EPM2A: variants seen among roughly 807,000 people sequenced by gnomAD.
EPM2A encodes the protein laforin.
EPM2A carries 21 observed loss-of-function variants against 26.5 expected under a neutral mutation model. The observed-to-expected ratio is 0.79, with a 90% confidence interval of 0.56 to 1.14. EPM2A has a LOEUF of 1.14. EPM2A is among the 50% of genes most tolerant of loss of function. The pLI, the probability that EPM2A is intolerant of heterozygous loss-of-function variation, is 0.00. For missense variants in EPM2A, 458 were observed against 440.8 expected (o/e 1.04, Z -0.35); for synonymous variants, 217 against 177.6 (o/e 1.22, Z -1.76).
intron 1 of EPM2A, among the ~76,000 whole-genome samples, chr6:145,707,310 T>C (rs1319164907): frequency 6.6e-6 from 1 of 151,882 alleles, no homozygotes; most frequent in Non-Finnish European, 1.5e-5. Flanking sequence ...AGTACTAAGA[T>C]AGGAAGTGGC....
chr6:145,444,797 G>A (rs749205669), intron 4 of EPM2A, among the ~76,000 whole-genome samples: 3 of 152,054 alleles, frequency 2.0e-5, no homozygotes, highest in Admixed American at 6.6e-5. Flanking sequence ...TTATAAATAC[G>A]GTAACTCTGG....
intron 2 of EPM2A, among the ~76,000 whole-genome samples, chr6:145,675,994 A>G (rs1325906514): frequency 6.6e-6 from 1 of 152,018 alleles, no homozygotes; most frequent in East Asian, 1.9e-4. Context: ...TCTCAGCACC[A>G]TATCGCACTT....
intron 2 of EPM2A, among the ~76,000 whole-genome samples, chr6:145,520,457 A>G (rs432086): frequency 0.45 from 68,440 of 151,996 alleles, 15,446 homozygotes; most frequent in South Asian, 0.58. Flanking sequence ...AAATTCCGTC[A>G]TAGTCACTGG....
chr6:145,619,823 T>TA (rs1393131011), intron 2 of EPM2A, among the ~76,000 whole-genome samples: 21 of 152,220 alleles, frequency 1.4e-4, no homozygotes, highest in Admixed American at 1.4e-3. Context: ...CCAGTGAGCA[T>TA]AAGTCAGTGT....
downstream of EPM2A, among the ~76,000 whole-genome samples, chr6:145,621,179 T>C (rs1157460571): frequency 1.3e-5 from 2 of 152,160 alleles, no homozygotes; most frequent in Admixed American, 6.5e-5. Flanking sequence ...CACATATAAA[T>C]GAGATTATGA....
At chr6:145,444,186 A>G (rs761479335) in intron 4 of EPM2A, among the ~76,000 whole-genome samples, 1 of 152,196 alleles carries the variant, frequency 6.6e-6, no homozygotes, top group Non-Finnish European at 1.5e-5. Flanking sequence ...CTGATTTTCA[A>G]GAGGAATGCT....
chr6:145,626,578 C>T lies in EPM2A; in HGVS notation c.*838G>A. On this transcript the variant is annotated 3_prime_UTR_variant, in exon 4 of 4. Transcript: ENST00000367519. ...CCTGAGAAAGACAAAACTAAATGCA[C>T]TACATGATGCTGGGAAAACAAGTTG... The T allele has an allele frequency of 3.0e-6, 3 of 985,770 alleles. No individual in the cohort carries two copies. Among genetic ancestry groups the T allele is most frequent in the Non-Finnish European group, 3.6e-6 (3 of 829,894 alleles). The allele number at this position is 985,770 out of a possible 1,614,324, so 61.1% of individuals were successfully genotyped here. A position where few individuals can be genotyped will look rare whatever the true frequency, so the allele number is the denominator to read the frequency against.
intron 4 of EPM2A, among the ~76,000 whole-genome samples, chr6:145,466,444 T>A (rs2114721264): frequency 6.6e-6 from 1 of 152,278 alleles, no homozygotes; most frequent in Non-Finnish European, 1.5e-5. Flanking sequence ...CAAAATGAGA[T>A]ACCATTTCAC....
rs781291421 is a variant in EPM2A, at chr6:145,635,468, C to T, written c.495G>A (p.Trp165Ter). The T allele has an allele frequency of 2.5e-5, 41 of 1,613,866 alleles. No individual in the cohort carries two copies. The highest frequency in any genetic ancestry group is 3.4e-5 in the Non-Finnish European group (40 of 1,179,864). ...MHYSRILPNIWLGSCPRQVEH... is the reference protein window; with the variant it reads ...MHYSRILPNI ...CCACCTGACGAGGGCAGCTACCCAGCCAGATATTTGGTAGAATTCTAATGA... is the reference window on the plus strand; with the variant it reads ...CCACCTGACGAGGGCAGCTACCCAGTCAGATATTTGGTAGAATTCTAATGA... Residue 165 changes from tryptophan to a stop codon, truncating the protein, a stop_gained, in exon 3 of 4, where the codon TGG (tryptophan) becomes TGA (stop). Coordinates refer to ENST00000367519, the MANE Select transcript of EPM2A (RefSeq NM_005670.4). LOFTEE classifies it high-confidence loss of function.
At chr6:145,569,906 G>C (rs192936288) in intron 2 of EPM2A, among the ~76,000 whole-genome samples, 2 of 151,996 alleles carry the variant, frequency 1.3e-5, no homozygotes, top group Admixed American at 6.6e-5. Context: ...ATGATCACAA[G>C]GTCCCACAAT....
chr6:145,451,424 A>C (rs1034332018), intron 4 of EPM2A, among the ~76,000 whole-genome samples: 1 of 152,246 alleles, frequency 6.6e-6, no homozygotes, highest in Non-Finnish European at 1.5e-5. Context: ...TTAAGTTTTA[A>C]AGAACTAACA....
chr6:145,554,459 G>GATAGATAGATACATAGATAC (rs1554250301), intron 2 of EPM2A, among the ~76,000 whole-genome samples: 115 of 151,606 alleles, frequency 7.6e-4, no homozygotes, highest in African/African-American at 2.6e-3. Context: ...TAGATAGATA[G>GATAGATAGATACATAGATAC]ATAGATAGAT....
intron 2 of EPM2A, among the ~76,000 whole-genome samples, chr6:145,525,399 G>A (rs1267818959): frequency 6.6e-6 from 1 of 150,692 alleles, no homozygotes; most frequent in Non-Finnish European, 1.5e-5. Flanking sequence ...TTGGCAGTAT[G>A]TCCATTTTAA....
At chr6:145,661,388 T>C (rs1485021776) in intron 2 of EPM2A, among the ~76,000 whole-genome samples, 2 of 152,232 alleles carry the variant, frequency 1.3e-5, no homozygotes, top group African/African-American at 2.4e-5. Context: ...TCAGCTATTA[T>C]TAATTCAGGC....
chr6:145,518,841 AG>A (rs1385396738), intron 2 of EPM2A, among the ~76,000 whole-genome samples: 6 of 152,168 alleles, frequency 3.9e-5, no homozygotes, highest in African/African-American at 1.4e-4. Context: ...CATAGCCTAG[AG>A]GATGGCCATT....
chr6:145,724,665 T>C (rs140020575), intron 1 of EPM2A, among the ~76,000 whole-genome samples: 7 of 152,122 alleles, frequency 4.6e-5, no homozygotes, highest in African/African-American at 1.7e-4. Flanking sequence ...AAACCAGACA[T>C]ATAGAACTGA....
intron 4 of EPM2A, among the ~76,000 whole-genome samples, chr6:145,409,602 C>T (rs1384643357): frequency 2.0e-5 from 3 of 152,160 alleles, no homozygotes; most frequent in African/African-American, 4.8e-5. Context: ...TTATTTAAAG[C>T]ATCACCCTAA....
chr6:145,694,488 A>G (rs1262520532), intron 1 of EPM2A, among the ~76,000 whole-genome samples: 1 of 152,036 alleles, frequency 6.6e-6, no homozygotes, highest in East Asian at 1.9e-4. Context: ...GCAAACGTAG[A>G]AAATAGCTGA....
chr6:145,572,273 CTTCTT>C (rs1270669182), intron 2 of EPM2A, among the ~76,000 whole-genome samples: 1 of 152,190 alleles, frequency 6.6e-6, no homozygotes, highest in African/African-American at 2.4e-5. Context: ...CTAGTCTTCT[CTTCTT>C]CTGTCAAATG....
Sources: gnomAD v4.1 joint callset for allele counts (sites outside exome capture counted in the v4.1 genomes callset) on GRCh38, gnomAD v4.1.1 for gene constraint, MANE v1.5 for transcripts, NCBI Gene and HGNC (gene_info 2026-07-23, HGNC 2026-07-21) for gene names.